Variants in CYFIP1 observed in about 807,000 individuals in gnomAD.
CYFIP1 encodes cytoplasmic FMR1 interacting protein 1, also known as cytoplasmic FMR1-interacting protein 1.
In CYFIP1, 58 loss-of-function variants were observed where a neutral mutation model predicts 163.5. The observed-to-expected ratio is 0.35, with a 90% CI of 0.29 to 0.44. The LOEUF is 0.44. CYFIP1 is among the 20% of genes least tolerant of loss of function. CYFIP1 has a pLI of 1.00. For missense variants in CYFIP1, 1,338 were observed against 1,653.8 expected, an observed-to-expected ratio of 0.81 and a Z score of 3.31; for synonymous variants, 663 against 660.7, an observed-to-expected ratio of 1.00 and a Z score of -0.05.
chr15:22,874,854 AT>A (rs1383342942), intron 27 of CYFIP1, among the ~76,000 whole-genome samples: 1 of 152,136 alleles, frequency 6.6e-6, no homozygotes, highest in African/African-American at 2.4e-5. Context: ...CTTTTCATTT[AT>A]TGAATATTCC....
At chr15:22,971,416 T>C (rs2140258078) in intron 1 of CYFIP1, among the ~76,000 whole-genome samples, 1 of 152,304 alleles carries the variant, frequency 6.6e-6, no homozygotes, top group African/African-American at 2.4e-5. Context: ...CTCATGCCTG[T>C]AATCCCAGCA....
At chr15:22,929,308 C>T (rs1315948131) in intron 11 of CYFIP1, among the ~76,000 whole-genome samples, 1 of 151,772 alleles carries the variant, frequency 6.6e-6, no homozygotes. Context: ...TTTCTAGTCA[C>T]TGTAATTAGT....
chr15:22,893,041 G>C, intron 22 of CYFIP1, 64 bp from the exon 23 acceptor site: 3 of 1,227,566 alleles, frequency 2.4e-6, no homozygotes, highest in Admixed American at 1.8e-5. Flanking sequence ...TTAAAATTCA[G>C]AAGTCCTCCA....
rs368224866 is a variant in CYFIP1, at chr15:22,925,997, C to G, written c.1344G>C (p.Lys448Asn). The stretch of plus-strand genomic sequence containing the variant: ...GCATCCTCACCTCCACTAGGGCAAA[C>G]TTCTCCTCGCTGGTGTAGTTGTAGC... The part of the protein sequence containing the change: ...ATRYNYTSEE[K>N]FALVEVIAMI... The change falls in exon 13 of 31, where the codon AAG becomes AAC. Residue 448 changes from lysine (K) to asparagine (N), a missense_variant. Physicochemically the swap from Lys to Asn is moderately conservative, Grantham distance 94. This residue lies in a region of CYFIP1 where 824 missense variants were observed against 995.7 expected (regional missense o/e 0.83). Coordinates refer to ENST00000617928, the MANE Select transcript of CYFIP1 (RefSeq NM_014608.6). The G allele has an allele frequency of 1.1e-5, 18 of 1,613,828 alleles. No individual in the cohort carries two copies. Among genetic ancestry groups the G allele is most frequent in the Non-Finnish European group, 1.5e-5 (18 of 1,179,796 alleles).
chr15:22,936,818 C>G (rs1345181388), intron 9 of CYFIP1, among the ~76,000 whole-genome samples: 1 of 152,198 alleles, frequency 6.6e-6, no homozygotes, highest in Non-Finnish European at 1.5e-5. Flanking sequence ...CGGGCTTCCT[C>G]CAGGATGCAC....
Position 22,927,969 on chromosome 15 carries a change from G to A in CYFIP1, c.1170C>T (p.Leu390=). 2 of 1,604,662 alleles carry A rather than the reference G, an allele frequency of 1.2e-6. No individual in the cohort carries two copies. The highest frequency in any genetic ancestry group is 1.7e-6 in the Non-Finnish European group (2 of 1,177,254). ...GCAGGCCCTGCAGCGCCAGGTCGAA[G>A]AGCTTGCGGTACTCCGCGTCCGTCT... ...AQKTDAEYRK[L]FDLALQGLQL... is the part of the protein sequence containing the mutation. Residue 390 remains leucine (L), a synonymous_variant, in exon 12 of 31, where the codon CTC becomes CTT. Transcript: ENST00000617928.
At chr15:22,912,705 T>C (rs1200303819) in intron 17 of CYFIP1, among the ~76,000 whole-genome samples, 2 of 151,890 alleles carry the variant, frequency 1.3e-5, no homozygotes, top group South Asian at 2.1e-4. Context: ...GATCACTTGA[T>C]TGAGGTGAGG....
Position 22,869,998 on chromosome 15 carries a change from A to G in CYFIP1, c.*30T>C, listed in dbSNP as rs374819285. 112 of 1,541,180 alleles carry G rather than the reference A, an allele frequency of 7.3e-5. No individual in the cohort carries two copies. The African/African-American group carries it at 1.1e-3, about 15-fold the overall frequency. ...TAGTTTACGGAGAGAAAGGCATGCC[A>G]TGTTGAGTTACGGAGTGCAGCGCGT... On this transcript the variant is annotated 3_prime_UTR_variant, in exon 31 of 31. Coordinates refer to ENST00000617928, the MANE Select transcript of CYFIP1 (RefSeq NM_014608.6).
intron 28 of CYFIP1, among the ~76,000 whole-genome samples, chr15:22,874,024 C>A (rs112760534): frequency 0.02 from 3,019 of 152,348 alleles, 101 homozygotes; most frequent in African/African-American, 0.066. Flanking sequence ...CAGGAATGAA[C>A]CCCGGTGCCC....
chr15:22,880,687 C>G (rs2059732377), intron 25 of CYFIP1, among the ~76,000 whole-genome samples: 1 of 152,190 alleles, frequency 6.6e-6, no homozygotes, highest in East Asian at 1.9e-4. Flanking sequence ...CCTAAACTAC[C>G]CTGGGAAGAG....
At chr15:22,951,750 G>T (rs905361719) in intron 1 of CYFIP1, among the ~76,000 whole-genome samples, 2 of 152,150 alleles carry the variant, frequency 1.3e-5, no homozygotes, top group Non-Finnish European at 2.9e-5. Flanking sequence ...CTTCCTCCCC[G>T]GCCTCTGCCC....
At chr15:22,897,129 C>A (rs2060262322) in intron 22 of CYFIP1, among the ~76,000 whole-genome samples, 2 of 152,070 alleles carry the variant, frequency 1.3e-5, no homozygotes, top group East Asian at 3.9e-4. Context: ...AGGAGAATCA[C>A]TTGAACCCAG....
intron 1 of CYFIP1, among the ~76,000 whole-genome samples, chr15:22,976,442 A>C (rs773984811): frequency 1.4e-4 from 22 of 152,226 alleles, no homozygotes; most frequent in Admixed American, 5.2e-4. Flanking sequence ...AGGCGTGAGC[A>C]ACCACGCCCA....
At chr15:22,947,545 C>G (rs1275008850) in intron 1 of CYFIP1, among the ~76,000 whole-genome samples, 7 of 152,062 alleles carry the variant, frequency 4.6e-5, no homozygotes, top group Non-Finnish European at 1.5e-5. Context: ...CCAGGAGGGT[C>G]ACAGTATGGG....
At chr15:22,870,347 G>C (rs749696811) in intron 30 of CYFIP1, among the ~76,000 whole-genome samples, 155 bp from the exon 31 acceptor site, 20 of 151,392 alleles carry the variant, frequency 1.3e-4, no homozygotes, top group Non-Finnish European at 2.7e-4. Context: ...TTGTAAGATA[G>C]GGTCTCACTC....
chr15:22,914,650 G>C, intron 17 of CYFIP1, 76 bp downstream of exon 17: 1 of 1,448,662 alleles, frequency 6.9e-7, no homozygotes, highest in Non-Finnish European at 9.3e-7. Flanking sequence ...AAACAGTCCC[G>C]GCCTCTCCGC....
intron 22 of CYFIP1, among the ~76,000 whole-genome samples, chr15:22,901,961 A>T (rs1447694954): frequency 6.6e-6 from 1 of 152,178 alleles, no homozygotes; most frequent in Non-Finnish European, 1.5e-5. Flanking sequence ...CTTCTGCAGA[A>T]AATGCCCCTG....
chr15:22,977,939 G>A (rs1008267354), intron 1 of CYFIP1, among the ~76,000 whole-genome samples: 1 of 152,122 alleles, frequency 6.6e-6, no homozygotes, highest in Non-Finnish European at 1.5e-5. Context: ...TTATAAACTT[G>A]AGTATGTGCA....
At position 22,882,089 on chromosome 15, in the gene CYFIP1, G is replaced by A. The variant is rs534453468; in HGVS notation, c.2821-153C>T. On this transcript the variant is annotated intron_variant, in intron 24 of 30. Coordinates refer to ENST00000617928, the MANE Select transcript of CYFIP1 (RefSeq NM_014608.6). ...CTGGCTGGGGAATAAAATCCACCCCGGGAGAGAGAGCAACCATCACCAGGT... is the reference window on the plus strand; with the variant it reads ...CTGGCTGGGGAATAAAATCCACCCCAGGAGAGAGAGCAACCATCACCAGGT... Among the ~76,000 whole-genome samples, 85 of 152,260 alleles carry A rather than the reference G, an allele frequency of 5.6e-4. 3 individuals are homozygous for A. The South Asian group carries it at 9.3e-3, about 17-fold the overall frequency.
Sources: allele counts gnomAD v4.1 joint callset (sites outside exome capture counted in the v4.1 genomes callset), GRCh38; gene constraint gnomAD v4.1.1; regional missense constraint gnomAD v4.1.1; transcripts MANE v1.5; gene names NCBI Gene and HGNC (gene_info 2026-07-23, HGNC 2026-07-21).